Variants in SAMD12 observed in about 807,000 individuals in gnomAD.
The protein encoded by SAMD12 is sterile alpha motif domain containing 12.
Under a neutral mutation model 15.0 loss-of-function variants are expected in SAMD12, and 9 were observed. That is an observed-to-expected ratio of 0.60 (90% CI 0.36 to 1.05). The LOEUF (loss-of-function observed/expected upper bound fraction) is 1.05. Among genes scored for constraint, SAMD12 ranks in the 50% least tolerant of loss-of-function variants. SAMD12 has a pLI of 0.01. For synonymous variants in SAMD12, 86 were observed against 90.1 expected (o/e 0.96, Z 0.25); for missense variants, 230 against 234.2 (o/e 0.98, Z 0.12).
chr8:118,415,943 G>A (rs1252530826), intron 3 of SAMD12, among the ~76,000 whole-genome samples: 2 of 152,156 alleles, frequency 1.3e-5, no homozygotes, highest in African/African-American at 4.8e-5. Flanking sequence ...CATTAAAATT[G>A]TCTAAACTAA....
At chr8:118,339,946 A>C (rs545163587) in intron 4 of SAMD12, among the ~76,000 whole-genome samples, 1 of 152,324 alleles carries the variant, frequency 6.6e-6, no homozygotes, top group African/African-American at 2.4e-5. Flanking sequence ...ACCGGCATTT[A>C]ATTTGCTGCC....
chr8:118,237,880 C>T (rs937996658), intron 4 of SAMD12, among the ~76,000 whole-genome samples: 2 of 152,138 alleles, frequency 1.3e-5, no homozygotes, highest in Admixed American at 1.3e-4. Flanking sequence ...TTCCAATGCA[C>T]TGCGAGCTTC....
the SAMD12 span, among the ~76,000 whole-genome samples, chr8:118,169,164 T>C: frequency 6.6e-6 from 1 of 152,136 alleles, no homozygotes; most frequent in Non-Finnish European, 1.5e-5. Flanking sequence ...AATATACTCA[T>C]GTAACCAACC....
chr8:118,162,893 A>G, the SAMD12 span, among the ~76,000 whole-genome samples: 2 of 152,334 alleles, frequency 1.3e-5, no homozygotes, highest in African/African-American at 4.8e-5. Flanking sequence ...AAAGTTGTGG[A>G]AAATGAAGAC....
rs565263322 is a variant in SAMD12 at position 118,424,508 on chromosome 8, A to G, written c.322+15324T>C. Among the ~76,000 whole-genome samples, 9 of 152,316 alleles carry G rather than the reference A, an allele frequency of 5.9e-5. No homozygotes were observed. The South Asian group carries it at 6.2e-4, about 11-fold the overall frequency. On this transcript the variant is annotated intron_variant, in intron 3 of 3. Transcript: ENST00000314727. ...GTCACCACAGTCCAATCTTTCTCTCATCTTTCATAGGTATCAAAGATATGA... is the reference window on the plus strand; with the variant it reads ...GTCACCACAGTCCAATCTTTCTCTCGTCTTTCATAGGTATCAAAGATATGA...
chr8:118,619,832 G>A (rs961186215), intron 1 of SAMD12, among the ~76,000 whole-genome samples: 2 of 152,170 alleles, frequency 1.3e-5, no homozygotes, highest in African/African-American at 4.8e-5. Flanking sequence ...TTTCCCAGAG[G>A]AAGTGACATT....
At chr8:118,583,376 A>C (rs954277271) in intron 1 of SAMD12, among the ~76,000 whole-genome samples, 2 of 152,204 alleles carry the variant, frequency 1.3e-5, no homozygotes, top group South Asian at 4.1e-4. Context: ...AATTAAATAC[A>C]TCAAAGTTGT....
At chr8:118,314,496 C>T (rs1198440055) in intron 4 of SAMD12, among the ~76,000 whole-genome samples, 1 of 152,082 alleles carries the variant, frequency 6.6e-6, no homozygotes, top group Non-Finnish European at 1.5e-5. Flanking sequence ...AGAGCTGTTC[C>T]ATTACCTACA....
chr8:118,570,413 A>G (rs1407545723), intron 2 of SAMD12, among the ~76,000 whole-genome samples: 1 of 151,878 alleles, frequency 6.6e-6, no homozygotes, highest in Admixed American at 6.6e-5. Context: ...CTATATATCC[A>G]TGTGTTCTCA....
chr8:118,320,626 T>C (rs957828976), intron 4 of SAMD12, among the ~76,000 whole-genome samples: 1 of 129,186 alleles, frequency 7.7e-6, no homozygotes, highest in Non-Finnish European at 1.5e-5. Flanking sequence ...ATGAAAACAC[T>C]TGGACACAGG....
At chr8:118,229,055 A>G (rs1812247444) in intron 4 of SAMD12, among the ~76,000 whole-genome samples, 1 of 152,166 alleles carries the variant, frequency 6.6e-6, no homozygotes, top group African/African-American at 2.4e-5. Context: ...AACATCGTAT[A>G]TTCTCACTGA....
At chr8:118,154,237 T>C in the SAMD12 span, among the ~76,000 whole-genome samples, 4 of 152,270 alleles carry the variant, frequency 2.6e-5, no homozygotes, top group East Asian at 7.7e-4. Flanking sequence ...TCTGGCTCCC[T>C]TTTCAGCGTC....
the SAMD12 span, among the ~76,000 whole-genome samples, chr8:118,158,684 G>A: frequency 9.4e-3 from 1,439 of 152,284 alleles, 23 homozygotes; most frequent in African/African-American, 0.03. Context: ...GAGAACTTAT[G>A]GTGCATTTTC....
rs560656589 is a variant in SAMD12 at position 118,577,680 on chromosome 8, C to T, written c.192+3035G>A. ...TCAAATCGAAACATTAGTGTAATACCTGGTCAGAGCTCTCGCATCCCAGAG... is the reference window on the plus strand; with the variant it reads ...TCAAATCGAAACATTAGTGTAATACTTGGTCAGAGCTCTCGCATCCCAGAG... On this transcript the variant is annotated intron_variant, in intron 2 of 3. Coordinates refer to ENST00000314727, the MANE Select transcript of SAMD12 (RefSeq NM_207506.3). 2.0e-5 allele frequency among the ~76,000 whole-genome samples: 3 copies of T among 152,204 alleles called. No homozygotes were observed. In the South Asian group the frequency reaches 6.2e-4, roughly 32 times the overall value.
At chr8:118,477,035 G>A (rs1232738968) in intron 2 of SAMD12, among the ~76,000 whole-genome samples, 1 of 151,560 alleles carries the variant, frequency 6.6e-6, no homozygotes, top group Non-Finnish European at 1.5e-5. Flanking sequence ...ACAGCACCGA[G>A]ATGGACCACT....
At chr8:118,221,738 T>C (rs1267783846) in intron 4 of SAMD12, among the ~76,000 whole-genome samples, 1 of 152,184 alleles carries the variant, frequency 6.6e-6, no homozygotes, top group Non-Finnish European at 1.5e-5. Context: ...GTCATAGTTA[T>C]GGTTTAGAAA....
At chr8:118,165,636 A>T in the SAMD12 span, among the ~76,000 whole-genome samples, 1 of 136,906 alleles carries the variant, frequency 7.3e-6, no homozygotes, top group African/African-American at 3.0e-5. Context: ...ATATATATAT[A>T]CATATATATA....
chr8:118,136,385 C>A, the SAMD12 span, among the ~76,000 whole-genome samples: 1 of 152,160 alleles, frequency 6.6e-6, no homozygotes, highest in Non-Finnish European at 1.5e-5. Context: ...AAAGCCAAAG[C>A]CAACATTTTG....
intron 2 of SAMD12, among the ~76,000 whole-genome samples, chr8:118,544,659 C>T (rs571731247): frequency 2.0e-5 from 3 of 152,188 alleles, no homozygotes; most frequent in African/African-American, 2.4e-5. Flanking sequence ...GATTCAGAGA[C>T]AGCCAAAAAC....
Sources: gnomAD v4.1 joint callset for allele counts (sites outside exome capture counted in the v4.1 genomes callset) on GRCh38, gnomAD v4.1.1 for gene constraint, MANE v1.5 for transcripts, NCBI Gene and HGNC (gene_info 2026-07-23, HGNC 2026-07-21) for gene names.